The following ZNF518A variants were observed in gnomAD, a reference collection of about 807,000 sequenced individuals.
ZNF518A encodes zinc finger protein 518.
Under a neutral mutation model 102.7 loss-of-function variants are expected in ZNF518A, and 47 were observed. That is an observed-to-expected ratio of 0.46 (90% CI 0.36 to 0.58). The LOEUF (loss-of-function observed/expected upper bound fraction) is 0.58. ZNF518A is among the 20% of genes least tolerant of loss of function. The probability of loss-of-function intolerance (pLI) is 0.00; values close to 1 mark genes in which losing one functional copy is unlikely to be tolerated. For synonymous variants in ZNF518A, 652 were observed against 594.6 expected (o/e 1.10, Z -1.40); for missense variants, 1,793 against 1,699.8 (o/e 1.05, Z -0.96).
rs2083335263 is a variant in ZNF518A, at chr10:96,191,899, T to C, written n.36-11675T>C. On this transcript the variant is annotated intron_variant and non_coding_transcript_variant, in intron 1 of 2. Transcript: ENST00000442635. ...GATTCATAATCCAAAATATGAAGTT[T>C]TGGGACTTTTTCTCAAAAGGAGAAA... The C allele has an allele frequency of 3.2e-6, 5 of 1,586,062 alleles. No homozygotes were observed. The South Asian group carries it at 3.3e-5, about 11-fold the overall frequency.
intron 1 of ZNF518A, among the ~76,000 whole-genome samples, chr10:96,177,948 A>G (rs952386623): frequency 6.6e-6 from 1 of 152,158 alleles, no homozygotes; most frequent in Admixed American, 6.5e-5. Context: ...GTCTATGCAT[A>G]TAGTACCAAA....
intron 1 of ZNF518A, among the ~76,000 whole-genome samples, chr10:96,186,687 C>G (rs781807712): frequency 6.6e-6 from 1 of 152,142 alleles, no homozygotes; most frequent in Non-Finnish European, 1.5e-5. Flanking sequence ...TGAGCCACTG[C>G]GCCTGGCCTA....
In ZNF518A at chr10:96,160,737, T is replaced by C; in HGVS notation, c.4415T>C (p.Leu1472Ser). The C allele has an allele frequency of 6.2e-7, 1 of 1,600,624 alleles. No individual in the cohort carries two copies. The highest frequency in any genetic ancestry group is 8.5e-7 in the Non-Finnish European group (1 of 1,175,524). ...TGGGCTGGTCATGGGCAGAGACATT[T>C]AATGGAAGCTACTCGGGATTGGAAC... is the stretch of plus-strand genomic sequence containing the variant. Reference protein sequence around the residue: ...DTWAGHGQRHLMEATRDWNML... With the variant: ...DTWAGHGQRHSMEATRDWNML... The change falls in exon 6 of 6, where the codon TTA becomes TCA. Residue 1472 changes from leucine to serine, a missense_variant. By Grantham distance (145) the Leu-to-Ser change is moderately radical. This residue lies in a region of ZNF518A where 22 missense variants were observed against 16.0 expected (regional missense o/e 1.37). Coordinates refer to ENST00000316045, the MANE Select transcript of ZNF518A (RefSeq NM_001330736.2).
At chr10:96,167,624 A>G (rs2083149836), downstream of ZNF518A, among the ~76,000 whole-genome samples, 1 of 152,182 alleles carries the variant, frequency 6.6e-6, no homozygotes, top group Admixed American at 6.5e-5. Flanking sequence ...AGTTACTAGA[A>G]AGGCTCAATA....
downstream of ZNF518A, among the ~76,000 whole-genome samples, chr10:96,164,371 C>T (rs782419832): frequency 2.0e-5 from 3 of 152,216 alleles, no homozygotes; most frequent in Non-Finnish European, 4.4e-5. Flanking sequence ...CAGCATACTA[C>T]CTTGACCCAT....
At chr10:96,186,438 A>G (rs1554892575) in intron 1 of ZNF518A, among the ~76,000 whole-genome samples, 1 of 152,150 alleles carries the variant, frequency 6.6e-6, no homozygotes, top group Non-Finnish European at 1.5e-5. Flanking sequence ...TCTCTCTGTC[A>G]TCAGACTGGA....
intron 1 of ZNF518A, among the ~76,000 whole-genome samples, chr10:96,193,530 T>C (rs10491070): frequency 0.37 from 56,245 of 152,046 alleles, 11,777 homozygotes; most frequent in Middle Eastern, 0.56. Context: ...GTTGAAACAT[T>C]TGAAGTAGGG....
At chr10:96,143,794 C>A (rs2082048101) in intron 3 of ZNF518A, among the ~76,000 whole-genome samples, 1 of 152,100 alleles carries the variant, frequency 6.6e-6, no homozygotes, top group Non-Finnish European at 1.5e-5. Flanking sequence ...ATTTGGTTTT[C>A]TGGTTTGTTT....
chr10:96,148,167 C>T (rs150160533), intron 3 of ZNF518A, among the ~76,000 whole-genome samples: 3,018 of 152,240 alleles, frequency 0.02, 59 homozygotes, highest in Non-Finnish European at 0.027. Flanking sequence ...TGGCCGGGCG[C>T]GGTGGCTCAC....
At chr10:96,139,418 A>G (rs587662948) in intron 3 of ZNF518A, among the ~76,000 whole-genome samples, 1 of 152,162 alleles carries the variant, frequency 6.6e-6, no homozygotes, top group East Asian at 1.9e-4. Flanking sequence ...TATGAATGGA[A>G]TTAGTACCCT....
chr10:96,139,223 G>A (rs1019730547), intron 3 of ZNF518A, among the ~76,000 whole-genome samples: 45 of 152,176 alleles, frequency 3.0e-4, no homozygotes, highest in African/African-American at 1.1e-3. Flanking sequence ...ACCAGATACC[G>A]CTGTTTCTTG....
intron 1 of ZNF518A, among the ~76,000 whole-genome samples, chr10:96,170,158 G>T (rs587715978): frequency 6.6e-6 from 1 of 152,326 alleles, no homozygotes; most frequent in East Asian, 1.9e-4. Flanking sequence ...ATTCTCAGGA[G>T]TATGTTAAAG....
chr10:96,136,713 CA>C (rs1181255039), intron 3 of ZNF518A, among the ~76,000 whole-genome samples: 15 of 152,016 alleles, frequency 9.9e-5, no homozygotes, highest in African/African-American at 3.6e-4. Context: ...ATTGATTGCT[CA>C]TAGAACGTTC....
intron 1 of ZNF518A, among the ~76,000 whole-genome samples, chr10:96,195,312 A>G (rs980105974): frequency 2.6e-5 from 4 of 152,218 alleles, no homozygotes; most frequent in South Asian, 2.1e-4. Flanking sequence ...ACTTCTGGGT[A>G]TATACCCCCA....
In ZNF518A at chr10:96,157,748, G is replaced by A. The variant is rs1554883776; in HGVS notation, c.1426G>A (p.Ala476Thr). The A allele has an allele frequency of 1.2e-6, 2 of 1,613,866 alleles. No individual in the cohort carries two copies. The highest frequency in any genetic ancestry group is 1.3e-5 in the African/African-American group (1 of 75,044). ...ATGTTCACCAGGCTCACAGTCAGGT[G>A]CTGCAAAGGACGGTACTGCTAATTT... ...NVCSPGSQSG[A>T]AKDGTANLQP... The change falls in exon 6 of 6, where the codon GCT becomes ACT. Residue 476 changes from alanine (A) to threonine (T), a missense_variant. By Grantham distance (58) the Ala-to-Thr change is moderately conservative. This residue lies in a region of ZNF518A where 1,741 missense variants were observed against 1,622.6 expected (regional missense o/e 1.07). Coordinates refer to ENST00000316045, the MANE Select transcript of ZNF518A (RefSeq NM_001330736.2).
intron 1 of ZNF518A, among the ~76,000 whole-genome samples, chr10:96,174,132 TA>T (rs1334104324): frequency 6.6e-6 from 1 of 151,858 alleles, no homozygotes; most frequent in East Asian, 1.9e-4. Flanking sequence ...ATTTAAAAAA[TA>T]AAAAAACTTA....
chr10:96,142,826 G>C (rs112689760), intron 3 of ZNF518A, among the ~76,000 whole-genome samples: 1 of 143,616 alleles, frequency 7.0e-6, no homozygotes, highest in Non-Finnish European at 1.5e-5. Context: ...TTTTTATTGC[G>C]ACAGAGTCTC....
intron 1 of ZNF518A, chr10:96,189,697 A>AAAT (rs1215188307): frequency 9.5e-6 from 6 of 630,602 alleles, no homozygotes; most frequent in Admixed American, 4.1e-5. Flanking sequence ...CTCATCATCA[A>AAAT]AATCATCATC....
rs1378130384 is a variant in ZNF518A, at chr10:96,199,838, AC to A, written n.36-3735del. On this transcript the variant is annotated intron_variant and non_coding_transcript_variant, in intron 1 of 2. Coordinates refer to the ZNF518A transcript ENST00000442635. The stretch of plus-strand genomic sequence containing the variant: ...CAGGAGTTCGAGAGCAGCCTGGCCA[AC>A]ATGGTAAAACCCCGTCTCTACTAAA... The A allele has an allele frequency of 2.4e-5, 6 of 249,228 alleles. No homozygotes were observed. The Admixed American group carries it at 2.8e-4, about 12-fold the overall frequency. The allele number at this position is 249,228 out of a possible 1,614,324, so 15.4% of individuals were successfully genotyped here. A position where few individuals can be genotyped will look rare whatever the true frequency, so the allele number is the denominator to read the frequency against.
Sources: allele counts gnomAD v4.1 joint callset (sites outside exome capture counted in the v4.1 genomes callset), GRCh38; gene constraint gnomAD v4.1.1; regional missense constraint gnomAD v4.1.1; transcripts MANE v1.5; gene names NCBI Gene and HGNC (gene_info 2026-07-23, HGNC 2026-07-21).